Variants in EXOC4 observed in about 807,000 individuals in gnomAD.
EXOC4 encodes the protein exocyst complex component 4.
A neutral mutation model predicts 107.2 loss-of-function variants in EXOC4; 71 were observed. The observed-to-expected ratio is 0.66, with a 90% confidence interval of 0.55 to 0.81. The LOEUF (loss-of-function observed/expected upper bound fraction) is 0.81. Among genes scored for constraint, EXOC4 ranks in the 30% least tolerant of loss-of-function variants. The pLI, the probability that EXOC4 is intolerant of heterozygous loss-of-function variation, is 0.00. For synonymous variants in EXOC4, 456 were observed against 441.2 expected, an observed-to-expected ratio of 1.03 and a Z score of -0.42; for missense variants, 1,108 against 1,189.6, an observed-to-expected ratio of 0.93 and a Z score of 1.01.
At chr7:134,043,359 A>G (rs1353373035) in intron 17 of EXOC4, among the ~76,000 whole-genome samples, 1 of 152,138 alleles carries the variant, frequency 6.6e-6, no homozygotes, top group African/African-American at 2.4e-5. Flanking sequence ...CCAAGCAACT[A>G]TTACTGAAAC....
chr7:133,886,973 A>G (rs1461069946), intron 11 of EXOC4, among the ~76,000 whole-genome samples: 1 of 152,220 alleles, frequency 6.6e-6, no homozygotes, highest in Non-Finnish European at 1.5e-5. Flanking sequence ...CCAGAGTGCT[A>G]CCATGACAAG....
intron 9 of EXOC4, among the ~76,000 whole-genome samples, chr7:133,605,810 A>G (rs1042435860): frequency 4.6e-5 from 7 of 152,126 alleles, no homozygotes; most frequent in Non-Finnish European, 1.0e-4. Context: ...CACCAGGTTA[A>G]ATGAAATCTG....
In EXOC4 at chr7:133,989,421, A is replaced by G. The variant is rs774332817; in HGVS notation, c.2207-8071A>G. On this transcript the variant is annotated intron_variant, in intron 14 of 17. Transcript: ENST00000253861. Reference sequence around the variant, plus strand: ...GAAAAGGGATGAGCTCACTCAGAACATATTGGCAAGTAAGGAATACCACTA... The same window carrying G: ...GAAAAGGGATGAGCTCACTCAGAACGTATTGGCAAGTAAGGAATACCACTA... 8.5e-5 allele frequency among the ~76,000 whole-genome samples: 13 copies of G among 152,208 alleles called. 1 individual carries two copies. Among genetic ancestry groups the G allele is most frequent in the South Asian group, 6.2e-4 (3 of 4,830 alleles).
At chr7:133,327,744 G>C (rs1303274153) in intron 5 of EXOC4, among the ~76,000 whole-genome samples, 2 of 152,136 alleles carry the variant, frequency 1.3e-5, no homozygotes, top group African/African-American at 4.8e-5. Context: ...GTAGTTGTGT[G>C]ATTTTGAGTG....
intron 9 of EXOC4, among the ~76,000 whole-genome samples, chr7:133,582,572 C>G (rs1011951290): frequency 6.6e-6 from 1 of 151,572 alleles, no homozygotes; most frequent in African/African-American, 2.4e-5. Context: ...TATGGGGTCA[C>G]AATTGCTCTA....
intron 11 of EXOC4, among the ~76,000 whole-genome samples, chr7:133,835,766 ATATATT>A (rs1160534131): frequency 9.8e-5 from 15 of 152,362 alleles, no homozygotes; most frequent in Non-Finnish European, 1.8e-4. Flanking sequence ...TTATGTGATT[ATATATT>A]TATATTGTCG....
chr7:133,977,401 A>T (rs1245460504), intron 14 of EXOC4, among the ~76,000 whole-genome samples: 1 of 152,234 alleles, frequency 6.6e-6, no homozygotes, highest in Non-Finnish European at 1.5e-5. Context: ...AAAAAAAGAT[A>T]CTAGAGTTTA....
chr7:133,345,190 T>G (rs1216127460), intron 5 of EXOC4, among the ~76,000 whole-genome samples: 2 of 152,184 alleles, frequency 1.3e-5, no homozygotes, highest in Admixed American at 1.3e-4. Context: ...CTCATTAAAT[T>G]TGCACATCTC....
At chr7:133,608,665 C>G (rs1257246213) in intron 9 of EXOC4, among the ~76,000 whole-genome samples, 1 of 150,808 alleles carries the variant, frequency 6.6e-6, no homozygotes, top group Non-Finnish European at 1.5e-5. Flanking sequence ...TTCTCCTGCC[C>G]CAGCTCCTGA....
At chr7:133,566,224 C>T (rs1800903494) in intron 9 of EXOC4, among the ~76,000 whole-genome samples, 1 of 152,152 alleles carries the variant, frequency 6.6e-6, no homozygotes, top group Non-Finnish European at 1.5e-5. Context: ...TGAGAGAGCC[C>T]AGGGTGAAAC....
At chr7:134,017,245 T>C (rs1443736181) in intron 17 of EXOC4, among the ~76,000 whole-genome samples, 1 of 151,628 alleles carries the variant, frequency 6.6e-6, no homozygotes, top group Non-Finnish European at 1.5e-5. Flanking sequence ...ATTAATTTTG[T>C]AGAAGAGACT....
Position 133,875,351 on chromosome 7 carries a change from A to G in EXOC4, c.1735-20248A>G, listed in dbSNP as rs143610298. ...GAAACCTATGCTAAAATAATTTCAGAAAGATAAGTTTGAAGACAGGTTGGA... is the reference window on the plus strand; with the variant it reads ...GAAACCTATGCTAAAATAATTTCAGGAAGATAAGTTTGAAGACAGGTTGGA... On this transcript the variant is annotated intron_variant, in intron 11 of 17. Coordinates refer to ENST00000253861, the MANE Select transcript of EXOC4 (RefSeq NM_021807.4). 4.6e-5 allele frequency among the ~76,000 whole-genome samples: 7 copies of G among 152,330 alleles called. No homozygotes were observed. In the East Asian group the frequency reaches 1.3e-3, roughly 29 times the overall value.
At chr7:134,030,704 G>A (rs1207857909) in intron 17 of EXOC4, among the ~76,000 whole-genome samples, 11 of 20,432 alleles carry the variant, frequency 5.4e-4, no homozygotes, top group Admixed American at 2.1e-3. Context: ...CCCCCGCCCC[G>A]AGTAGAGAGC....
chr7:133,353,201 G>T (rs555698366), intron 5 of EXOC4, among the ~76,000 whole-genome samples: 1 of 152,032 alleles, frequency 6.6e-6, no homozygotes, highest in Non-Finnish European at 1.5e-5. Context: ...TTTTATAATT[G>T]CCTAGACGTT....
At chr7:133,743,781 A>T (rs144176277) in intron 10 of EXOC4, among the ~76,000 whole-genome samples, 4 of 152,266 alleles carry the variant, frequency 2.6e-5, no homozygotes, top group African/African-American at 9.6e-5. Flanking sequence ...GAAGGAGTCT[A>T]ATCTTTGGTT....
chr7:133,605,053 G>A (rs1222999740), intron 9 of EXOC4, among the ~76,000 whole-genome samples: 1 of 152,002 alleles, frequency 6.6e-6, no homozygotes, highest in Non-Finnish European at 1.5e-5. Flanking sequence ...ATGAAACAAT[G>A]GACTTCTGGC....
At chr7:133,604,710 CTTTTTTTTTTTTTTTTTTT>C (rs61548710) in intron 9 of EXOC4, among the ~76,000 whole-genome samples, 2 of 50,220 alleles carry the variant, frequency 4.0e-5, no homozygotes, top group Non-Finnish European at 6.9e-5. Flanking sequence ...TTCCTTCTTT[CTTTTTTTTTTTTTTTTTTT>C]TTTTTTTTTT....
rs567601741 is a variant in EXOC4, at chr7:133,380,095, G to T, written c.1182+5093G>T. On this transcript the variant is annotated intron_variant, in intron 7 of 17. Coordinates refer to ENST00000253861, the MANE Select transcript of EXOC4 (RefSeq NM_021807.4). Reference sequence around the variant, plus strand: ...CACACACCAGAGCCTGTTGTGGGGTGGGGGGATGGGGGAGGGATAGCATTA... The same window carrying T: ...CACACACCAGAGCCTGTTGTGGGGTTGGGGGATGGGGGAGGGATAGCATTA... 2.2e-3 allele frequency among the ~76,000 whole-genome samples: 337 copies of T among 151,932 alleles called. 8 individuals are homozygous for T. Among genetic ancestry groups the T allele is most frequent in the Admixed American group, 0.021 (321 of 15,212 alleles).
intron 12 of EXOC4, among the ~76,000 whole-genome samples, chr7:133,915,657 C>A (rs1321946477): frequency 6.6e-6 from 1 of 152,028 alleles, no homozygotes; most frequent in Non-Finnish European, 1.5e-5. Context: ...TGGTACCATG[C>A]TATAAGATTG....
Sources: gnomAD v4.1 joint callset for allele counts (sites outside exome capture counted in the v4.1 genomes callset) on GRCh38, gnomAD v4.1.1 for gene constraint, MANE v1.5 for transcripts, NCBI Gene and HGNC (gene_info 2026-07-23, HGNC 2026-07-21) for gene names.